The following PDZRN3 variants were observed in gnomAD, a reference collection of about 807,000 sequenced individuals.
PDZRN3 encodes E3 ubiquitin-protein ligase PDZRN3.
In PDZRN3, 38 loss-of-function variants were observed where a neutral mutation model predicts 85.7. That is an observed-to-expected ratio of 0.44 (90% confidence interval 0.34 to 0.58). PDZRN3 has a LOEUF of 0.58. PDZRN3 is among the 20% of genes least tolerant of loss of function. The pLI is 0.01. For missense variants in PDZRN3, 1,629 were observed against 1,506.4 expected (o/e 1.08, Z -1.35); for synonymous variants, 759 against 638.0 (o/e 1.19, Z -2.86).
intron 5 of PDZRN3, among the ~76,000 whole-genome samples, chr3:73,392,018 C>G (rs1470783209): frequency 6.6e-6 from 1 of 152,178 alleles, no homozygotes; most frequent in Admixed American, 6.5e-5. Flanking sequence ...TATCTGGGGA[C>G]TATTTCCAAG....
intron 1 of PDZRN3, among the ~76,000 whole-genome samples, chr3:73,617,746 G>T (rs1324691084): frequency 6.6e-6 from 1 of 152,016 alleles, no homozygotes. Context: ...TGTTGCCCAG[G>T]CTGGAGTGCA....
At chr3:73,573,328 G>C (rs1304572080) in intron 3 of PDZRN3, among the ~76,000 whole-genome samples, 1 of 152,210 alleles carries the variant, frequency 6.6e-6, no homozygotes, top group Non-Finnish European at 1.5e-5. Context: ...TGGCATCTGG[G>C]AAGACGAGGA....
chr3:73,530,100 T>C (rs139490046), intron 3 of PDZRN3, among the ~76,000 whole-genome samples: 2 of 152,286 alleles, frequency 1.3e-5, no homozygotes, highest in Non-Finnish European at 2.9e-5. Flanking sequence ...GAAAGCCCAG[T>C]GCAAAGCCAC....
At chr3:73,550,814 AAC>A (rs1701535336) in intron 3 of PDZRN3, among the ~76,000 whole-genome samples, 2 of 152,232 alleles carry the variant, frequency 1.3e-5, no homozygotes. Context: ...ACCAAAACAA[AAC>A]AAAAACACGC....
intron 3 of PDZRN3, among the ~76,000 whole-genome samples, chr3:73,504,072 T>C (rs924369360): frequency 3.9e-5 from 6 of 152,206 alleles, no homozygotes; most frequent in Non-Finnish European, 5.9e-5. Flanking sequence ...CTGCCTTCTT[T>C]ATAAACAGAA....
At chr3:73,442,104 C>A in intron 3 of PDZRN3, among the ~76,000 whole-genome samples, 1 of 152,128 alleles carries the variant, frequency 6.6e-6, no homozygotes, top group South Asian at 2.1e-4. Context: ...GTGATCTGGG[C>A]CAGGCTCCCA....
At chr3:73,618,562 T>C (rs1404988272) in intron 1 of PDZRN3, among the ~76,000 whole-genome samples, 1 of 152,088 alleles carries the variant, frequency 6.6e-6, no homozygotes, top group African/African-American at 2.4e-5. Flanking sequence ...CTTAAGTGTA[T>C]GGCACCCAGT....
rs1477522608 is a variant in PDZRN3, at chr3:73,404,268, G to A, written c.1046C>T (p.Ser349Leu). 7.4e-6 allele frequency: 12 copies of A among 1,614,174 alleles called. No individual in the cohort carries two copies. Among genetic ancestry groups the A allele is most frequent in the Middle Eastern group, 1.6e-4 (1 of 6,062 alleles). ...TCCCGTGTCCACCAGCTGAGACTCT[G>A]ATGGAGGCGTGAACATTTTGGTCCT... ...TPRTKMFTPP[S>L]ESQLVDTGTQ... Residue 349 changes from serine to leucine, a missense_variant, in exon 4 of 10, where the codon TCA becomes TTA. By Grantham distance (145) the Ser-to-Leu change is moderately radical. Transcript: ENST00000263666.
At position 73,518,839 on chromosome 3, in the gene PDZRN3, C is replaced by T. The variant is rs1047980805; in HGVS notation, c.918+83515G>A. Among the ~76,000 whole-genome samples the T allele has an allele frequency of 3.9e-5, 6 of 152,238 alleles. No homozygotes were observed. In the South Asian group the frequency reaches 1.0e-3, roughly 26 times the overall value. On this transcript the variant is annotated intron_variant, in intron 3 of 9. Transcript: ENST00000263666. ...GAGGTGTCATGGCCTAATCACCTCC[C>T]CCAATCCCCACGTCCTAACACCATC...
chr3:73,459,448 C>T (rs1019287619), intron 3 of PDZRN3, among the ~76,000 whole-genome samples: 21 of 152,174 alleles, frequency 1.4e-4, no homozygotes, highest in African/African-American at 4.6e-4. Flanking sequence ...TTTCATCACT[C>T]AGGTACTAAG....
At chr3:73,587,165 G>T (rs532733106) in intron 3 of PDZRN3, among the ~76,000 whole-genome samples, 2 of 152,316 alleles carry the variant, frequency 1.3e-5, no homozygotes, top group Admixed American at 6.5e-5. Flanking sequence ...CCTTTAGTGA[G>T]CCATGAAATC....
At chr3:73,436,332 T>G (rs1030582268) in intron 3 of PDZRN3, among the ~76,000 whole-genome samples, 1 of 152,124 alleles carries the variant, frequency 6.6e-6, no homozygotes, top group Non-Finnish European at 1.5e-5. Flanking sequence ...CAGGAAAACA[T>G]ACTCACTGCA....
At chr3:73,448,319 G>A (rs576487756) in intron 3 of PDZRN3, among the ~76,000 whole-genome samples, 17 of 152,356 alleles carry the variant, frequency 1.1e-4, no homozygotes, top group Non-Finnish European at 1.9e-4. Flanking sequence ...GTTACTCAGT[G>A]AAGTGGCTGG....
At chr3:73,484,994 A>G (rs1024337566) in intron 3 of PDZRN3, among the ~76,000 whole-genome samples, 2 of 142,104 alleles carry the variant, frequency 1.4e-5, no homozygotes, top group African/African-American at 4.9e-5. Flanking sequence ...ATGAAACCAG[A>G]AGGAGCATTC....
chr3:73,387,662 G>T (rs982908518), intron 8 of PDZRN3, among the ~76,000 whole-genome samples: 3 of 152,158 alleles, frequency 2.0e-5, no homozygotes, highest in African/African-American at 7.2e-5. Flanking sequence ...CAGGCCTTGG[G>T]AAGTCAAATG....
At chr3:73,524,728 G>C (rs916056536) in intron 3 of PDZRN3, among the ~76,000 whole-genome samples, 1 of 151,970 alleles carries the variant, frequency 6.6e-6, no homozygotes, top group African/African-American at 2.4e-5. Context: ...AATTAATTTC[G>C]ATTTATAAAG....
chr3:73,484,290 T>C (rs915703662), intron 3 of PDZRN3, among the ~76,000 whole-genome samples: 2 of 152,166 alleles, frequency 1.3e-5, no homozygotes, highest in Admixed American at 6.5e-5. Flanking sequence ...ATATTGACAT[T>C]TGAGCAGAGA....
intron 3 of PDZRN3, among the ~76,000 whole-genome samples, chr3:73,453,424 C>CAAAAAAAAAAAAAAAAAAAAA (rs372949149): frequency 1.0e-5 from 1 of 96,796 alleles, no homozygotes. Context: ...AAAAAAAAAA[C>CAAAAAAAAAAAAAAAAAAAAA]AAAAAAAAAA....
intron 3 of PDZRN3, among the ~76,000 whole-genome samples, chr3:73,434,953 C>T (rs368648541): frequency 2.6e-4 from 39 of 152,242 alleles, no homozygotes; most frequent in Admixed American, 1.4e-3. Flanking sequence ...ACGAAATGCA[C>T]AGGTACCTTT....
Sources: allele counts gnomAD v4.1 joint callset (sites outside exome capture counted in the v4.1 genomes callset), GRCh38; gene constraint gnomAD v4.1.1; transcripts MANE v1.5; gene names NCBI Gene and HGNC (gene_info 2026-07-23, HGNC 2026-07-21).